Variants in FAR1 observed in about 807,000 individuals in gnomAD.
The protein encoded by FAR1 is fatty acyl-CoA reductase 1.
Under a neutral mutation model 61.1 loss-of-function variants are expected in FAR1, and 22 were observed. The observed-to-expected ratio is 0.36, with a 90% CI of 0.26 to 0.51. The LOEUF (loss-of-function observed/expected upper bound fraction) is 0.51, where lower values mean the gene tolerates loss of function less well. FAR1 is among the 20% of genes least tolerant of loss of function. The pLI is 0.95. For synonymous variants in FAR1, 206 were observed against 209.7 expected (o/e 0.98, Z 0.15); for missense variants, 359 against 626.9 (o/e 0.57, Z 4.56).
chr11:13,707,012 A>G (rs1848439627), intron 3 of FAR1, among the ~76,000 whole-genome samples: 2 of 152,192 alleles, frequency 1.3e-5, no homozygotes, highest in Admixed American at 1.3e-4. Context: ...TCCTGCTTCA[A>G]AAAAATCGTA....
chr11:13,704,090 A>G (rs984975833), intron 3 of FAR1, among the ~76,000 whole-genome samples: 27 of 151,752 alleles, frequency 1.8e-4, no homozygotes, highest in Non-Finnish European at 2.9e-4. Flanking sequence ...AAGATAATAA[A>G]TGGAGTAACT....
chr11:13,718,810 T>G (rs1848580008), intron 9 of FAR1, among the ~76,000 whole-genome samples: 1 of 151,998 alleles, frequency 6.6e-6, no homozygotes, highest in South Asian at 2.1e-4. Flanking sequence ...AACTTTGCTG[T>G]GGAGGGAGTG....
intron 1 of FAR1, among the ~76,000 whole-genome samples, chr11:13,691,081 A>C (rs1200756535): frequency 6.6e-6 from 1 of 152,216 alleles, no homozygotes; most frequent in Non-Finnish European, 1.5e-5. Context: ...ATTTCTCACC[A>C]TTCTGGAGGC....
chr11:13,673,192 G>T (rs934734522), intron 1 of FAR1, among the ~76,000 whole-genome samples: 1 of 152,180 alleles, frequency 6.6e-6, no homozygotes, highest in African/African-American at 2.4e-5. Context: ...TTTGCCCTAG[G>T]ATCAGTACAG....
At chr11:13,701,567 G>A (rs965657062) in intron 3 of FAR1, among the ~76,000 whole-genome samples, 2 of 151,988 alleles carry the variant, frequency 1.3e-5, no homozygotes, top group Non-Finnish European at 2.9e-5. Context: ...TAAAAATTAA[G>A]TTCTGATTAC....
Position 13,689,881 on chromosome 11 carries a change from T to C in FAR1, c.-7-4878T>C, listed in dbSNP as rs546863198. ...TGTGCTGTCATTTCGATCTTTTTTT[T>C]TTTTTTTTTTTTGAGTTAGAGTCTT... On this transcript the variant is annotated intron_variant, in intron 1 of 11. Transcript: ENST00000354817. Among the ~76,000 whole-genome samples, 215 of 150,752 alleles carry C rather than the reference T, an allele frequency of 1.4e-3. 1 individual carries two copies. The highest frequency in any genetic ancestry group is 5.0e-3 in the African/African-American group (207 of 40,996).
intron 10 of FAR1, among the ~76,000 whole-genome samples, chr11:13,724,296 C>G (rs2134201517): frequency 6.6e-6 from 1 of 151,562 alleles, no homozygotes; most frequent in South Asian, 2.1e-4. Flanking sequence ...ACCTGTAATC[C>G]CAGCACTTTG....
At position 13,721,947 on chromosome 11, in the gene FAR1, C is replaced by T. The variant is rs1848613795; in HGVS notation, c.1257+88C>T. 9.3e-7 allele frequency: 1 copy of T among 1,074,794 alleles called. No homozygotes were observed. The highest frequency in any genetic ancestry group is 1.3e-6 in the Non-Finnish European group (1 of 759,330). The allele number at this position is 1,074,794 out of a possible 1,614,324, so 66.6% of individuals were successfully genotyped here. A position where few individuals can be genotyped will look rare whatever the true frequency, so the allele number is the denominator to read the frequency against. On this transcript the variant is annotated intron_variant, in intron 10 of 11. Coordinates refer to ENST00000354817, the MANE Select transcript of FAR1 (RefSeq NM_032228.6). The surrounding 1 kb of genome is among the most constrained non-coding windows in gnomAD (Gnocchi z 4.2). ...GCAACCTGAGAAATATTTTCCACAG[C>T]TATTATGCAACAAGTAAGCCATTAT...
chr11:13,697,423 C>G lies in FAR1; in HGVS notation c.189+2469C>G, dbSNP rs147616407. Among the ~76,000 whole-genome samples, 393 of 151,984 alleles carry G rather than the reference C, an allele frequency of 2.6e-3. 3 individuals are homozygous for G. The highest frequency in any genetic ancestry group is 9.1e-3 in the African/African-American group (375 of 41,434). Reference sequence around the variant, plus strand: ...GTTGCAGTGAGTTGAGATTGCGCCACTGCACTCCAGCATGGGTGATGAGTA... The same window carrying G: ...GTTGCAGTGAGTTGAGATTGCGCCAGTGCACTCCAGCATGGGTGATGAGTA... On this transcript the variant is annotated intron_variant, in intron 2 of 11. Transcript: ENST00000354817.
chr11:13,713,929 G>C (rs1036569998), intron 8 of FAR1, among the ~76,000 whole-genome samples: 2 of 151,924 alleles, frequency 1.3e-5, no homozygotes, highest in African/African-American at 4.8e-5. Context: ...ATAAAGTTTA[G>C]TAAAAGCTGA....
At chr11:13,725,543 C>A (rs1848659918) in intron 10 of FAR1, among the ~76,000 whole-genome samples, 1 of 151,606 alleles carries the variant, frequency 6.6e-6, no homozygotes. Flanking sequence ...CTCAGCTTTA[C>A]TCAGTGGAAA....
At chr11:13,700,226 T>TA in intron 2 of FAR1, 91 bp from the exon 3 acceptor site, 1 of 908,516 alleles carries the variant, frequency 1.1e-6, no homozygotes, top group East Asian at 2.8e-5. Context: ...TCTAAAAAAA[T>TA]AGTCATCCTT....
chr11:13,691,064 G>A (rs1321595702), intron 1 of FAR1, among the ~76,000 whole-genome samples: 1 of 152,156 alleles, frequency 6.6e-6, no homozygotes, highest in Non-Finnish European at 1.5e-5. Flanking sequence ...ATAAAGAACA[G>A]AAATTTATTT....
chr11:13,689,320 C>T (rs1848222523), intron 1 of FAR1, among the ~76,000 whole-genome samples: 1 of 152,164 alleles, frequency 6.6e-6, no homozygotes, highest in South Asian at 2.1e-4. Context: ...CTTCTGGTCA[C>T]TCCCTCTTCT....
rs527919388 is a variant in FAR1 at position 13,729,205 on chromosome 11, T to C, written c.*431T>C. The C allele has an allele frequency of 6.5e-6, 1 of 152,752 alleles. No homozygotes were observed. Among genetic ancestry groups the C allele is most frequent in the South Asian group, 2.1e-4 (1 of 4,834 alleles). 9.5% of individuals were successfully genotyped at this position (152,752 alleles called of 1,614,324 possible). A position where few individuals can be genotyped will look rare whatever the true frequency, so the allele number is the denominator to read the frequency against. ...GTAATACTAGCAAAGTTGGTAGATA[T>C]TTGATTCTTCATTTTTTGTTTTTTT... On this transcript the variant is annotated 3_prime_UTR_variant, in exon 12 of 12. Coordinates refer to ENST00000354817, the MANE Select transcript of FAR1 (RefSeq NM_032228.6).
intron 2 of FAR1, among the ~76,000 whole-genome samples, chr11:13,699,438 G>T (rs1848345300): frequency 6.6e-6 from 1 of 152,182 alleles, no homozygotes; most frequent in South Asian, 2.1e-4. Flanking sequence ...CGGGAAGACT[G>T]TTTATACTAA....
intron 1 of FAR1, among the ~76,000 whole-genome samples, chr11:13,692,583 G>C (rs1219879405): frequency 2.0e-5 from 3 of 152,122 alleles, no homozygotes; most frequent in Admixed American, 2.0e-4. Context: ...ACTGTTTTAA[G>C]TGGTATAATT....
At chr11:13,703,823 C>T (rs943121405) in intron 3 of FAR1, among the ~76,000 whole-genome samples, 1 of 152,026 alleles carries the variant, frequency 6.6e-6, no homozygotes. Context: ...GCAGGTGGAT[C>T]ACCTGAGGTC....
At chr11:13,692,769 ATTAT>A (rs966203834) in intron 1 of FAR1, among the ~76,000 whole-genome samples, 2 of 152,044 alleles carry the variant, frequency 1.3e-5, no homozygotes, top group African/African-American at 4.8e-5. Context: ...ATGCTTTCAT[ATTAT>A]TTGTTTCCTT....
Sources: gnomAD v4.1 joint callset for allele counts (sites outside exome capture counted in the v4.1 genomes callset) on GRCh38, gnomAD v4.1.1 for gene constraint, Gnocchi (gnomAD v3.1) non-coding constraint, MANE v1.5 for transcripts, NCBI Gene and HGNC (gene_info 2026-07-23, HGNC 2026-07-21) for gene names.